Variants in GRK7 observed in about 807,000 individuals in gnomAD.
GRK7 encodes rhodopsin kinase GRK7.
GRK7 carries 24 observed loss-of-function variants against 34.1 expected under a neutral mutation model. The ratio of observed to expected loss-of-function variants is 0.70; its 90% CI spans 0.51 to 0.99. The LOEUF (loss-of-function observed/expected upper bound fraction) is 0.99, where lower values mean the gene tolerates loss of function less well. Among genes scored for constraint, GRK7 ranks in the 50% least tolerant of loss-of-function variants. The probability of loss-of-function intolerance (pLI) is 0.00; values close to 1 mark genes in which losing one functional copy is unlikely to be tolerated. For missense variants in GRK7, 644 were observed against 707.3 expected (o/e 0.91, Z 1.02); for synonymous variants, 256 against 279.4 (o/e 0.92, Z 0.84).
the GRK7 span, among the ~76,000 whole-genome samples, chr3:141,752,211 T>C: frequency 6.6e-6 from 1 of 152,250 alleles, no homozygotes; most frequent in African/African-American, 2.4e-5. Context: ...TAAGAATTTC[T>C]TAAGTTTGCA....
Position 141,816,628 on chromosome 3 carries a change from G to T in GRK7, c.1326-86G>T, listed in dbSNP as rs951610440. 12 of 672,896 alleles carry T rather than the reference G, an allele frequency of 1.8e-5. No homozygotes were observed. The Admixed American group carries it at 2.7e-4, about 15-fold the overall frequency. The allele number at this position is 672,896 out of a possible 1,614,324, so 41.7% of individuals were successfully genotyped here. A position where few individuals can be genotyped will look rare whatever the true frequency, so the allele number is the denominator to read the frequency against. On this transcript the variant is annotated intron_variant, in intron 5 of 5. Coordinates refer to ENST00000682958, the MANE Select transcript of GRK7 (RefSeq NM_139209.3). ...GCAATTAAAATAAAATGTAAGAAAA[G>T]AATGCTACACACTTTGTATTGTTAG...
In GRK7 at chr3:141,778,468, C is replaced by G; in HGVS notation, c.184C>G (p.Gln62Glu). 6.2e-7 allele frequency: 1 copy of G among 1,613,144 alleles called. No homozygotes were observed. Among genetic ancestry groups the G allele is most frequent in the Non-Finnish European group, 8.5e-7 (1 of 1,179,918 alleles). ...CCTGAACTTCCACAGCCTGTGTGAGCAGCAGCCCATCGGTCGCCGCCTCTT... is the reference window on the plus strand; with the variant it reads ...CCTGAACTTCCACAGCCTGTGTGAGGAGCAGCCCATCGGTCGCCGCCTCTT... ...LSLNFHSLCE[Q>E]QPIGRRLFRD... The change falls in exon 3 of 6, where the codon CAG (glutamine) becomes GAG (glutamate). Residue 62 changes from glutamine to glutamate, a missense_variant. Coordinates refer to ENST00000682958, the MANE Select transcript of GRK7 (RefSeq NM_139209.3). This position sits in a 1 kb window ranked among gnomAD's most constrained non-coding sequence, Gnocchi z 4.1.
intron 1 of GRK7, among the ~76,000 whole-genome samples, chr3:141,768,500 G>C (rs562228210): frequency 1.3e-5 from 2 of 152,000 alleles, no homozygotes; most frequent in East Asian, 3.9e-4. Context: ...GGCTGGTCTC[G>C]AACTCCTGAC....
intron 4 of GRK7, 91 bp from the exon 5 acceptor site, chr3:141,807,554 T>TG (rs1711048040): frequency 2.7e-6 from 3 of 1,095,936 alleles, no homozygotes; most frequent in Non-Finnish European, 1.3e-6. Context: ...AAAAGGAGAA[T>TG]GTGTATTAGG....
chr3:141,776,634 G>A (rs967758778), intron 2 of GRK7, among the ~76,000 whole-genome samples: 1 of 152,226 alleles, frequency 6.6e-6, no homozygotes, highest in African/African-American at 2.4e-5. Context: ...GCACCCACGA[G>A]TTCATTACAT....
At chr3:141,772,706 A>G (rs560557870) in intron 1 of GRK7, among the ~76,000 whole-genome samples, 1 of 152,204 alleles carries the variant, frequency 6.6e-6, no homozygotes, top group Non-Finnish European at 1.5e-5. Context: ...GTAATGAAAG[A>G]CCTGGGCAAG....
chr3:141,793,151 G>T (rs183599511), intron 4 of GRK7, among the ~76,000 whole-genome samples: 90 of 152,316 alleles, frequency 5.9e-4, no homozygotes, highest in African/African-American at 2.1e-3. Context: ...GAAAACATAA[G>T]TGTTTCCCTG....
intron 4 of GRK7, among the ~76,000 whole-genome samples, chr3:141,804,443 C>T (rs979210826): frequency 6.6e-6 from 1 of 152,152 alleles, no homozygotes; most frequent in Non-Finnish European, 1.5e-5. Context: ...TTTCTGACTC[C>T]ATCTCTTGCA....
At position 141,765,290 on chromosome 3, in the gene GRK7, G is replaced by A. The variant is rs554767050; in HGVS notation, c.-663G>A. Among the ~76,000 whole-genome samples, 2 of 152,216 alleles carry A rather than the reference G, an allele frequency of 1.3e-5. No homozygotes were observed. Among genetic ancestry groups the A allele is most frequent in the African/African-American group, 2.4e-5 (1 of 41,528 alleles). Reference sequence around the variant, plus strand: ...ACCCTCAGGCAGTCACATGGCTCACGCCCTTACCTTCAGGAGGTCTTGACT... The same window carrying A: ...ACCCTCAGGCAGTCACATGGCTCACACCCTTACCTTCAGGAGGTCTTGACT... On this transcript the variant is annotated 5_prime_UTR_variant, in exon 1 of 6. Transcript: ENST00000682958.
chr3:141,803,753 G>A (rs919814953), intron 4 of GRK7, among the ~76,000 whole-genome samples: 17 of 152,100 alleles, frequency 1.1e-4, no homozygotes, highest in African/African-American at 4.1e-4. Flanking sequence ...ACGGAGTCTT[G>A]CTGTGTCATT....
chr3:141,752,086 G>A, the GRK7 span, among the ~76,000 whole-genome samples: 1 of 152,082 alleles, frequency 6.6e-6, no homozygotes, highest in Non-Finnish European at 1.5e-5. Flanking sequence ...ATCTTTAGCT[G>A]CCAAATTCAC....
At position 141,790,854 on chromosome 3, in the gene GRK7, G is replaced by A. The variant is rs557639594; in HGVS notation, c.1050+10043G>A. 1.1e-4 allele frequency among the ~76,000 whole-genome samples: 17 copies of A among 152,278 alleles called. 1 individual carries two copies. The highest frequency in any genetic ancestry group is 3.9e-4 in the African/African-American group (16 of 41,556). ...GCTGGGATTACAGGCGTAAGCCACCGCGCCCGGTCAACATGCACTTTTAAT... is the reference window on the plus strand; with the variant it reads ...GCTGGGATTACAGGCGTAAGCCACCACGCCCGGTCAACATGCACTTTTAAT... On this transcript the variant is annotated intron_variant, in intron 4 of 5. Transcript: ENST00000682958.
At chr3:141,777,506 TGTA>T (rs1367107914) in intron 2 of GRK7, among the ~76,000 whole-genome samples, 71 of 117,516 alleles carry the variant, frequency 6.0e-4, no homozygotes, top group Middle Eastern at 8.5e-3. Flanking sequence ...TTTTTTTTTT[TGTA>T]TTTTTTTTAG....
At chr3:141,808,366 A>C (rs1041583660) in intron 5 of GRK7, among the ~76,000 whole-genome samples, 4 of 152,166 alleles carry the variant, frequency 2.6e-5, no homozygotes, top group African/African-American at 9.7e-5. Context: ...AAACAAAACA[A>C]ATATTACATG....
intron 5 of GRK7, among the ~76,000 whole-genome samples, chr3:141,814,377 C>T (rs548859067): frequency 6.6e-6 from 1 of 152,224 alleles, no homozygotes; most frequent in East Asian, 1.9e-4. Flanking sequence ...CCTTGCCACA[C>T]CCCCAAAACA....
upstream of GRK7, among the ~76,000 whole-genome samples, chr3:141,763,331 A>G (rs1283083948): frequency 6.6e-6 from 1 of 152,176 alleles, no homozygotes; most frequent in Admixed American, 6.5e-5. Context: ...AGTCCTCCCA[A>G]CTTCACCATT....
intron 1 of GRK7, among the ~76,000 whole-genome samples, chr3:141,768,229 A>G (rs1261942730): frequency 1.3e-5 from 2 of 148,846 alleles, no homozygotes; most frequent in African/African-American, 5.0e-5. Context: ...CCTTCCCCTT[A>G]TATTTTAACC....
chr3:141,783,087 T>C (rs2084679662), intron 4 of GRK7, among the ~76,000 whole-genome samples: 1 of 152,164 alleles, frequency 6.6e-6, no homozygotes, highest in Non-Finnish European at 1.5e-5. Context: ...ATCAGGGCCA[T>C]GTTCCAGGTA....
In GRK7 at chr3:141,816,976, C is replaced by T. The variant is rs770322528; in HGVS notation, c.1588C>T (p.Leu530=). 9 of 1,613,946 alleles carry T rather than the reference C, an allele frequency of 5.6e-6. No individual in the cohort carries two copies. Among genetic ancestry groups the T allele is most frequent in the South Asian group, 2.2e-5 (2 of 91,072 alleles). ...EIIETGLFEE[L]NDPNRPTGCE... is the part of the protein sequence containing the mutation. ...TATAGAAACGGGACTGTTTGAGGAA[C>T]TGAATGACCCCAACAGACCTACGGG... is the stretch of plus-strand genomic sequence containing the variant. Residue 530 remains leucine (L), a synonymous_variant, in exon 6 of 6, where the codon CTG becomes TTG. Coordinates refer to ENST00000682958, the MANE Select transcript of GRK7 (RefSeq NM_139209.3).
Sources: allele counts gnomAD v4.1 joint callset (sites outside exome capture counted in the v4.1 genomes callset), GRCh38; gene constraint gnomAD v4.1.1; non-coding constraint Gnocchi (gnomAD v3.1); transcripts MANE v1.5; gene names NCBI Gene and HGNC (gene_info 2026-07-23, HGNC 2026-07-21).